PTPRN2: variants seen among roughly 807,000 people sequenced by gnomAD.
The protein encoded by PTPRN2 is receptor-type tyrosine-protein phosphatase N2.
A neutral mutation model predicts 118.8 loss-of-function variants in PTPRN2; 74 were observed. The ratio of observed to expected loss-of-function variants is 0.62; its 90% CI spans 0.52 to 0.76. The LOEUF (loss-of-function observed/expected upper bound fraction) is 0.76, where lower values mean the gene tolerates loss of function less well. PTPRN2 is among the 30% of genes least tolerant of loss of function. The pLI is 0.00. For synonymous variants in PTPRN2, 641 were observed against 608.0 expected, an observed-to-expected ratio of 1.05 and a Z score of -0.80; for missense variants, 1,481 against 1,394.4, an observed-to-expected ratio of 1.06 and a Z score of -0.99.
intron 1 of PTPRN2, among the ~76,000 whole-genome samples, chr7:158,564,875 C>T (rs1379996445): frequency 6.6e-6 from 1 of 152,196 alleles, no homozygotes; most frequent in Non-Finnish European, 1.5e-5. Flanking sequence ...CTGCTGGGAG[C>T]TAAAGAGAAA....
At chr7:158,277,832 C>T (rs575944300) in intron 3 of PTPRN2, among the ~76,000 whole-genome samples, 8 of 152,320 alleles carry the variant, frequency 5.3e-5, no homozygotes, top group Admixed American at 1.3e-4. Context: ...GAGAGGAATC[C>T]GCCTTCAGGG....
intron 3 of PTPRN2, among the ~76,000 whole-genome samples, chr7:158,248,935 C>T (rs1387194412): frequency 6.6e-6 from 1 of 151,564 alleles, no homozygotes; most frequent in African/African-American, 2.4e-5. Context: ...ACACATGCCA[C>T]ACACATGCAC....
At chr7:157,698,521 G>A (rs1797918144) in intron 12 of PTPRN2, among the ~76,000 whole-genome samples, 1 of 152,206 alleles carries the variant, frequency 6.6e-6, no homozygotes, top group South Asian at 2.1e-4. Context: ...TGACAAATAT[G>A]TCGGGATGTT....
intron 1 of PTPRN2, among the ~76,000 whole-genome samples, chr7:158,515,804 A>G (rs373712512): frequency 1.3e-5 from 2 of 151,958 alleles, no homozygotes; most frequent in Non-Finnish European, 2.9e-5. Flanking sequence ...AATTTTCACT[A>G]TCGACACCTC....
At chr7:158,037,673 T>C (rs1044907322) in intron 11 of PTPRN2, among the ~76,000 whole-genome samples, 4 of 152,254 alleles carry the variant, frequency 2.6e-5, no homozygotes, top group Admixed American at 1.3e-4. Context: ...TGGCAATGAC[T>C]GTACTTTTGT....
At chr7:158,200,296 A>C (rs1826532819) in intron 4 of PTPRN2, among the ~76,000 whole-genome samples, 1 of 152,224 alleles carries the variant, frequency 6.6e-6, no homozygotes, top group Non-Finnish European at 1.5e-5. Context: ...GGAAAATGGA[A>C]TCCAAGACAA....
At chr7:157,836,217 C>G (rs919614431) in intron 12 of PTPRN2, among the ~76,000 whole-genome samples, 1 of 152,174 alleles carries the variant, frequency 6.6e-6, no homozygotes, top group African/African-American at 2.4e-5. Flanking sequence ...ATTGCATGCA[C>G]TTAAATGAAG....
intron 11 of PTPRN2, among the ~76,000 whole-genome samples, chr7:157,912,723 C>G (rs1798169732): frequency 6.6e-6 from 1 of 151,874 alleles, no homozygotes; most frequent in African/African-American, 2.4e-5. Context: ...CATTGAATAC[C>G]CCATTTCCCC....
intron 11 of PTPRN2, among the ~76,000 whole-genome samples, chr7:158,071,976 G>A (rs1186439939): frequency 3.8e-5 from 3 of 79,418 alleles, no homozygotes; most frequent in Admixed American, 1.4e-4. Flanking sequence ...GGAGGTGCCC[G>A]TGGTGGAGGT....
intron 3 of PTPRN2, among the ~76,000 whole-genome samples, chr7:158,220,078 C>T (rs531377623): frequency 4.6e-5 from 7 of 152,056 alleles, no homozygotes; most frequent in African/African-American, 1.7e-4. Flanking sequence ...TTAATAGATA[C>T]AGGAAGGGCT....
chr7:157,589,177 C>T (rs1164727433), intron 17 of PTPRN2, among the ~76,000 whole-genome samples: 4 of 152,176 alleles, frequency 2.6e-5, no homozygotes, highest in East Asian at 1.9e-4. Context: ...ATGAATCTGA[C>T]GCCTCCGGGG....
intron 9 of PTPRN2, among the ~76,000 whole-genome samples, chr7:158,117,266 C>T (rs1816804977): frequency 6.6e-6 from 1 of 151,858 alleles, no homozygotes; most frequent in Non-Finnish European, 1.5e-5. Context: ...AATACAATAG[C>T]TGAAATTAAA....
At chr7:158,314,675 G>T (rs867812861) in intron 3 of PTPRN2, among the ~76,000 whole-genome samples, 3 of 18,064 alleles carry the variant, frequency 1.7e-4, no homozygotes, top group African/African-American at 4.4e-4. Context: ...ACCGCCACAC[G>T]CGTTTCTCTC....
intron 1 of PTPRN2, among the ~76,000 whole-genome samples, chr7:158,553,700 G>A (rs138171506): frequency 2.7e-5 from 4 of 146,248 alleles, no homozygotes; most frequent in African/African-American, 5.1e-5. Context: ...GGGAGTCTAC[G>A]CCACCTTCCC....
intron 3 of PTPRN2, among the ~76,000 whole-genome samples, chr7:158,261,823 C>G (rs1364502231): frequency 1.3e-5 from 2 of 152,206 alleles, no homozygotes; most frequent in African/African-American, 4.8e-5. Context: ...TTTTAGGAAA[C>G]CTGTGTCTGT....
At chr7:157,669,623 A>G (rs1467680829) in intron 13 of PTPRN2, 6 of 449,838 alleles carry the variant, frequency 1.3e-5, no homozygotes, top group Non-Finnish European at 1.3e-5. Context: ...TTGGCCAAGC[A>G]ATATGGAGTG....
At chr7:157,663,800 A>G (rs1411502009) in intron 13 of PTPRN2, among the ~76,000 whole-genome samples, 4 of 152,190 alleles carry the variant, frequency 2.6e-5, no homozygotes, top group Non-Finnish European at 5.9e-5. Context: ...ATAGTTTCCA[A>G]ATTCATAATG....
intron 12 of PTPRN2, among the ~76,000 whole-genome samples, chr7:157,872,153 ACAGCGCCTCCCCACACACACATACC>A (rs1811106656): frequency 2.2e-5 from 1 of 44,680 alleles, no homozygotes; most frequent in Non-Finnish European, 4.4e-5. Flanking sequence ...ACACACATAC[ACAGCGCCTCCCCACACACACATACC>A]CAGCGCCTCC....
intron 12 of PTPRN2, among the ~76,000 whole-genome samples, chr7:157,759,621 C>T (rs929165814): frequency 1.3e-5 from 2 of 152,172 alleles, no homozygotes; most frequent in East Asian, 1.9e-4. Context: ...GCTCACTGTC[C>T]GGGGCGGCCT....
Sources: gnomAD v4.1 joint callset for allele counts (sites outside exome capture counted in the v4.1 genomes callset) on GRCh38, gnomAD v4.1.1 for gene constraint, MANE v1.5 for transcripts, NCBI Gene and HGNC (gene_info 2026-07-23, HGNC 2026-07-21) for gene names.